The following PDSS2 variants were observed in gnomAD, a reference collection of about 807,000 sequenced individuals.
PDSS2 encodes the protein all trans-polyprenyl-diphosphate synthase PDSS2.
Under a neutral mutation model 44.5 loss-of-function variants are expected in PDSS2, and 31 were observed. That is an observed-to-expected ratio of 0.70 (90% CI 0.52 to 0.94). The LOEUF is 0.94. Among genes scored for constraint, PDSS2 ranks in the 40% least tolerant of loss-of-function variants. The probability of loss-of-function intolerance (pLI) is 0.00; values close to 1 mark genes in which losing one functional copy is unlikely to be tolerated. For missense variants in PDSS2, 452 were observed against 482.2 expected (o/e 0.94, Z 0.59); for synonymous variants, 157 against 180.3 (o/e 0.87, Z 1.03).
intron 1 of PDSS2, among the ~76,000 whole-genome samples, chr6:107,366,401 T>C (rs899178840): frequency 5.3e-5 from 8 of 152,040 alleles, no homozygotes; most frequent in African/African-American, 1.7e-4. Flanking sequence ...GGAAAAGTTA[T>C]AGCATATTCT....
intron 2 of PDSS2, among the ~76,000 whole-genome samples, chr6:107,287,435 A>T (rs1275994653): frequency 1.3e-5 from 2 of 152,244 alleles, no homozygotes; most frequent in Non-Finnish European, 2.9e-5. Flanking sequence ...TAAAAAAATT[A>T]AAAATATGCA....
intron 1 of PDSS2, among the ~76,000 whole-genome samples, chr6:107,455,520 C>T (rs1388441747): frequency 2.6e-5 from 4 of 151,804 alleles, no homozygotes; most frequent in Admixed American, 1.3e-4. Context: ...CGTTGGGAGG[C>T]GGAGGTGGGC....
rs546150959 is a variant in PDSS2 at position 107,450,665 on chromosome 6, T to A, written c.296+8325A>T. 5.9e-5 allele frequency among the ~76,000 whole-genome samples: 9 copies of A among 152,276 alleles called. No homozygotes were observed. The East Asian group carries it at 1.7e-3, about 29-fold the overall frequency. ...AAAGGAGAAATACATATATGTAGGA[T>A]TTTCAACCTATAATTCTATAGGTTA... On this transcript the variant is annotated intron_variant, in intron 1 of 7. Coordinates refer to ENST00000369037, the MANE Select transcript of PDSS2 (RefSeq NM_020381.4).
chr6:107,273,675 AAAAAAGACTAC>A (rs1775678520), intron 3 of PDSS2, among the ~76,000 whole-genome samples: 1 of 152,212 alleles, frequency 6.6e-6, no homozygotes, highest in South Asian at 2.1e-4. Context: ...ATGAACAACA[AAAAAAGACTAC>A]AAGGAAATAC....
At chr6:107,396,389 A>C (rs1482429386) in intron 1 of PDSS2, among the ~76,000 whole-genome samples, 1 of 152,214 alleles carries the variant, frequency 6.6e-6, no homozygotes, top group Admixed American at 6.5e-5. Flanking sequence ...GCAGAAAGCC[A>C]AGACAATCAT....
intron 2 of PDSS2, among the ~76,000 whole-genome samples, chr6:107,317,250 A>G (rs184304501): frequency 5.4e-4 from 82 of 152,208 alleles, no homozygotes; most frequent in African/African-American, 1.9e-3. Context: ...CCTCTGCCCT[A>G]TTCCAGAGGG....
Position 107,153,024 on chromosome 6 carries a change from T to C in PDSS2, c.*1595A>G, listed in dbSNP as rs576592297. The stretch of plus-strand genomic sequence containing the variant: ...TTTTGAGTACACTTAAAATATTTTA[T>C]AATACAATACATTAACCTCTGTAGC... On this transcript the variant is annotated 3_prime_UTR_variant, in exon 8 of 8. Coordinates refer to ENST00000369037, the MANE Select transcript of PDSS2 (RefSeq NM_020381.4). The C allele has an allele frequency of 1.3e-5, 2 of 152,674 alleles. No homozygotes were observed. Among genetic ancestry groups the C allele is most frequent in the African/African-American group, 4.8e-5 (2 of 41,584 alleles). The allele number at this position is 152,674 out of a possible 1,614,324, so 9.5% of individuals were successfully genotyped here. A position where few individuals can be genotyped will look rare whatever the true frequency, so the allele number is the denominator to read the frequency against.
At chr6:107,368,248 A>T (rs1779021091) in intron 1 of PDSS2, among the ~76,000 whole-genome samples, 1 of 150,548 alleles carries the variant, frequency 6.6e-6, no homozygotes, top group African/African-American at 2.5e-5. Flanking sequence ...CAGCCTGGTG[A>T]CAGAGCGAGA....
intron 4 of PDSS2, among the ~76,000 whole-genome samples, chr6:107,236,125 G>A (rs1031540225): frequency 6.6e-6 from 1 of 152,086 alleles, no homozygotes. Flanking sequence ...GAACATGAAA[G>A]CACATGATAA....
chr6:107,220,280 T>C (rs957014276), intron 4 of PDSS2, among the ~76,000 whole-genome samples: 1 of 152,188 alleles, frequency 6.6e-6, no homozygotes, highest in Non-Finnish European at 1.5e-5. Flanking sequence ...CATAATATTT[T>C]ACATTTATTG....
Position 107,297,965 on chromosome 6 carries a change from C to T in PDSS2, c.432-23738G>A, listed in dbSNP as rs1253365706. 3.3e-5 allele frequency among the ~76,000 whole-genome samples: 5 copies of T among 152,240 alleles called. No individual in the cohort carries two copies. The East Asian group carries it at 5.8e-4, about 18-fold the overall frequency. On this transcript the variant is annotated intron_variant, in intron 2 of 7. Transcript: ENST00000369037. ...TTCGCCATGTTGGCCAGGCTGGTCTCGAACTCCTGGCCTCAAGTGATCCTC... is the reference window on the plus strand; with the variant it reads ...TTCGCCATGTTGGCCAGGCTGGTCTTGAACTCCTGGCCTCAAGTGATCCTC...
intron 1 of PDSS2, 58 bp downstream of exon 1, chr6:107,458,932 C>T (rs1267051243): frequency 6.5e-7 from 1 of 1,531,962 alleles, no homozygotes; most frequent in African/African-American, 1.4e-5. Flanking sequence ...CGTATGCCCG[C>T]CAGAAAAAAA....
intron 2 of PDSS2, among the ~76,000 whole-genome samples, chr6:107,332,109 T>C (rs1777730023): frequency 1.4e-5 from 2 of 147,148 alleles, no homozygotes; most frequent in African/African-American, 4.9e-5. Flanking sequence ...AGGTAAACTT[T>C]TTTTTTTTTT....
At chr6:107,286,247 C>T (rs979298655) in intron 2 of PDSS2, among the ~76,000 whole-genome samples, 8 of 152,164 alleles carry the variant, frequency 5.3e-5, no homozygotes, top group Non-Finnish European at 8.8e-5. Context: ...GTGGCTAACG[C>T]CTGTAATCCC....
At chr6:107,212,036 A>T (rs746474741) in intron 5 of PDSS2, 73 bp downstream of exon 5, 196 of 1,287,224 alleles carry the variant, frequency 1.5e-4, no homozygotes, top group Non-Finnish European at 1.9e-4. Flanking sequence ...AAGCTTATTA[A>T]ATGGCAAAAG....
At chr6:107,298,298 T>C (rs1776576295) in intron 2 of PDSS2, among the ~76,000 whole-genome samples, 1 of 152,016 alleles carries the variant, frequency 6.6e-6, no homozygotes, top group Non-Finnish European at 1.5e-5. Context: ...TGACAGAAAA[T>C]ACTTGTACTG....
chr6:107,278,396 G>A (rs1159185252), intron 2 of PDSS2, among the ~76,000 whole-genome samples: 1 of 152,090 alleles, frequency 6.6e-6, no homozygotes, highest in Non-Finnish European at 1.5e-5. Flanking sequence ...CGTTTAAAAA[G>A]TGACTAAAAG....
intron 3 of PDSS2, among the ~76,000 whole-genome samples, chr6:107,263,590 G>GCCA (rs1775318627): frequency 6.6e-6 from 1 of 152,160 alleles, no homozygotes; most frequent in East Asian, 1.9e-4. Flanking sequence ...ACCTTCCTGT[G>GCCA]CCAAAAAGCT....
intron 1 of PDSS2, among the ~76,000 whole-genome samples, chr6:107,441,303 C>T (rs937673837): frequency 6.6e-6 from 1 of 152,154 alleles, no homozygotes; most frequent in African/African-American, 2.4e-5. Context: ...CAGTCACACC[C>T]AGCAGTAAGA....
Sources: gnomAD v4.1 joint callset for allele counts (sites outside exome capture counted in the v4.1 genomes callset) on GRCh38, gnomAD v4.1.1 for gene constraint, MANE v1.5 for transcripts, NCBI Gene and HGNC (gene_info 2026-07-23, HGNC 2026-07-21) for gene names.